The following DPP10 variants were observed in gnomAD, a reference collection of about 807,000 sequenced individuals.
DPP10 encodes inactive dipeptidyl peptidase 10.
Under a neutral mutation model 120.9 loss-of-function variants are expected in DPP10, and 33 were observed. That is an observed-to-expected ratio of 0.27 (90% CI 0.21 to 0.37). The LOEUF is 0.37. Among genes scored for constraint, DPP10 ranks in the 10% least tolerant of loss-of-function variants. The pLI, the probability that DPP10 is intolerant of heterozygous loss-of-function variation, is 1.00. For missense variants in DPP10, 816 were observed against 942.8 expected, an observed-to-expected ratio of 0.87 and a Z score of 1.76; for synonymous variants, 337 against 326.1, an observed-to-expected ratio of 1.03 and a Z score of -0.36.
chr2:114,811,520 G>A (rs941246411), intron 1 of DPP10, among the ~76,000 whole-genome samples: 2 of 151,234 alleles, frequency 1.3e-5, no homozygotes, highest in East Asian at 1.9e-4. Context: ...ACCACCATCC[G>A]TTCCACCATG....
chr2:115,622,843 T>TG (rs1233390372), intron 5 of DPP10, among the ~76,000 whole-genome samples: 306 of 147,798 alleles, frequency 2.1e-3, no homozygotes, highest in African/African-American at 3.7e-3. Flanking sequence ...TTTTTTTTTT[T>TG]TTTGTTTTTT....
intron 5 of DPP10, among the ~76,000 whole-genome samples, chr2:115,629,209 C>T (rs2085630447): frequency 6.6e-6 from 1 of 152,178 alleles, no homozygotes; most frequent in East Asian, 1.9e-4. Flanking sequence ...TTAATCCAGT[C>T]TATCATTGGT....
intron 1 of DPP10, among the ~76,000 whole-genome samples, chr2:114,961,822 C>T (rs13384497): frequency 6.6e-6 from 1 of 151,996 alleles, no homozygotes; most frequent in East Asian, 1.9e-4. Context: ...GGCATGATGG[C>T]GAGCACCTGT....
intron 3 of DPP10, among the ~76,000 whole-genome samples, chr2:115,486,078 A>G (rs901678202): frequency 6.6e-6 from 1 of 152,124 alleles, no homozygotes; most frequent in South Asian, 2.1e-4. Context: ...TTCCCTTGAC[A>G]TGTTTGCATT....
chr2:115,537,963 C>G (rs2078958723), intron 5 of DPP10, among the ~76,000 whole-genome samples: 1 of 151,970 alleles, frequency 6.6e-6, no homozygotes, highest in Admixed American at 6.6e-5. Context: ...AGGGCTACTT[C>G]CATGTCGTCA....
chr2:114,855,388 G>A (rs1689292333), intron 1 of DPP10, among the ~76,000 whole-genome samples: 2 of 151,966 alleles, frequency 1.3e-5, no homozygotes, highest in African/African-American at 4.8e-5. Flanking sequence ...CACCTTAATA[G>A]CAAATCCACT....
chr2:115,147,603 C>A (rs909905328), intron 1 of DPP10, among the ~76,000 whole-genome samples: 1 of 151,944 alleles, frequency 6.6e-6, no homozygotes, highest in Non-Finnish European at 1.5e-5. Flanking sequence ...TTATTATTCT[C>A]AAAAACAAAA....
intron 3 of DPP10, among the ~76,000 whole-genome samples, chr2:115,359,486 C>T (rs1485401189): frequency 6.6e-6 from 1 of 152,022 alleles, no homozygotes; most frequent in African/African-American, 2.4e-5. Context: ...GATGACAATC[C>T]TGCTGTTATT....
At chr2:115,279,185 G>A (rs1237730112) in intron 1 of DPP10, among the ~76,000 whole-genome samples, 1 of 151,880 alleles carries the variant, frequency 6.6e-6, no homozygotes, top group Non-Finnish European at 1.5e-5. Flanking sequence ...TCATTGATTT[G>A]ACCAGAAATG....
intron 1 of DPP10, among the ~76,000 whole-genome samples, chr2:114,574,534 T>G (rs11694667): frequency 0.17 from 26,569 of 152,138 alleles, 2,404 homozygotes; most frequent in Non-Finnish European, 0.19. Context: ...GTTAACATTG[T>G]TTAACACAGA....
intron 1 of DPP10, among the ~76,000 whole-genome samples, chr2:114,553,159 G>C (rs568657910): frequency 6.6e-6 from 1 of 152,306 alleles, no homozygotes; most frequent in Admixed American, 6.5e-5. Flanking sequence ...TGGAATTGCT[G>C]TACATCACAT....
chr2:114,890,807 G>C lies in DPP10; in HGVS notation c.61-418432G>C, dbSNP rs917921482. ...GTCTATGTTTAGAGCACGGTAGCAGGGTACAATATAGCCAAATGCTGTCGC... is the reference window on the plus strand; with the variant it reads ...GTCTATGTTTAGAGCACGGTAGCAGCGTACAATATAGCCAAATGCTGTCGC... On this transcript the variant is annotated intron_variant, in intron 1 of 25. Transcript: ENST00000410059. Among the ~76,000 whole-genome samples the C allele has an allele frequency of 2.0e-5, 3 of 152,128 alleles. No individual in the cohort carries two copies. The East Asian group carries it at 5.8e-4, about 29-fold the overall frequency.
At chr2:114,856,928 C>G (rs1689414186) in intron 1 of DPP10, among the ~76,000 whole-genome samples, 1 of 152,008 alleles carries the variant, frequency 6.6e-6, no homozygotes, top group Admixed American at 6.6e-5. Context: ...TCATGCCTGT[C>G]CATTACAATA....
intron 1 of DPP10, among the ~76,000 whole-genome samples, chr2:114,599,324 C>T (rs1037358683): frequency 2.6e-5 from 4 of 151,256 alleles, no homozygotes; most frequent in East Asian, 1.9e-4. Context: ...AATTCACAAC[C>T]TTTGAGGCTA....
chr2:115,095,592 T>G (rs530081620), intron 1 of DPP10, among the ~76,000 whole-genome samples: 5 of 143,596 alleles, frequency 3.5e-5, no homozygotes, highest in African/African-American at 1.4e-4. Context: ...TTTGTTTTTT[T>G]TTTTTGATAC....
chr2:115,178,166 T>G (rs1164237926), intron 1 of DPP10, among the ~76,000 whole-genome samples: 2 of 152,176 alleles, frequency 1.3e-5, no homozygotes, highest in African/African-American at 4.8e-5. Flanking sequence ...TGATAGCCAG[T>G]CTTGGTGCAG....
In DPP10 at chr2:115,696,884, G is replaced by GTTAA. The variant is rs528360667; in HGVS notation, c.576+6965_576+6968dup. Among the ~76,000 whole-genome samples the GTTAA allele has an allele frequency of 3.5e-4, 53 of 152,090 alleles. No individual in the cohort carries two copies. In the South Asian group the frequency reaches 4.8e-3, roughly 14 times the overall value. ...GAAAGTAATGCCTTAAATGTCATTA[G>GTTAA]TTAATACCTTTGGATGTACAATATA... On this transcript the variant is annotated intron_variant, in intron 7 of 25. Coordinates refer to ENST00000410059, the MANE Select transcript of DPP10 (RefSeq NM_020868.6).
intron 1 of DPP10, chr2:115,161,821 C>CCA: frequency 1.2e-6 from 1 of 834,216 alleles, no homozygotes. Flanking sequence ...CCTCCCCGCC[C>CCA]CTCCGCTCCC....
chr2:115,474,382 C>G (rs1343850586), intron 3 of DPP10, among the ~76,000 whole-genome samples: 1 of 152,260 alleles, frequency 6.6e-6, no homozygotes, highest in East Asian at 1.9e-4. Flanking sequence ...AATTAGAAAA[C>G]ATCATAGACC....
Sources: allele counts gnomAD v4.1 joint callset (sites outside exome capture counted in the v4.1 genomes callset), GRCh38; gene constraint gnomAD v4.1.1; transcripts MANE v1.5; gene names NCBI Gene and HGNC (gene_info 2026-07-23, HGNC 2026-07-21).